The following PSD3 variants were observed in gnomAD, a reference collection of about 807,000 sequenced individuals.
PSD3 encodes the protein pleckstrin and Sec7 domain containing 3, also known as PH and SEC7 domain-containing protein 3.
A neutral mutation model predicts 105.5 loss-of-function variants in PSD3; 49 were observed. That is an observed-to-expected ratio of 0.46 (90% CI 0.37 to 0.59). The LOEUF is 0.59. PSD3 is among the 20% of genes least tolerant of loss of function. The pLI is 0.00. For missense variants in PSD3, 1,561 were observed against 1,263.8 expected, an observed-to-expected ratio of 1.24 and a Z score of -3.57; for synonymous variants, 557 against 457.8, an observed-to-expected ratio of 1.22 and a Z score of -2.77.
At chr8:19,078,397 A>G (rs905824026) in intron 1 of PSD3, among the ~76,000 whole-genome samples, 3 of 152,148 alleles carry the variant, frequency 2.0e-5, no homozygotes, top group African/African-American at 7.2e-5. Context: ...TTCTATATTA[A>G]TTATACAGTA....
At chr8:18,711,884 A>T (rs1179498611) in intron 9 of PSD3, among the ~76,000 whole-genome samples, 1 of 152,204 alleles carries the variant, frequency 6.6e-6, no homozygotes, top group Non-Finnish European at 1.5e-5. Context: ...TTGGAAGTAA[A>T]ACACTCCTCA....
chr8:18,657,825 T>C (rs1437903842), intron 9 of PSD3, among the ~76,000 whole-genome samples: 1 of 152,230 alleles, frequency 6.6e-6, no homozygotes, highest in Non-Finnish European at 1.5e-5. Context: ...GCTACTATCA[T>C]ACTCAATATT....
chr8:19,057,998 C>A (rs1586676836), intron 1 of PSD3, among the ~76,000 whole-genome samples: 1 of 152,290 alleles, frequency 6.6e-6, no homozygotes, highest in Middle Eastern at 3.4e-3. Context: ...CCACTTACAG[C>A]CCCTCTATTC....
intron 4 of PSD3, among the ~76,000 whole-genome samples, chr8:18,832,842 T>A (rs565705895): frequency 2.7e-4 from 41 of 152,260 alleles, no homozygotes; most frequent in African/African-American, 9.9e-4. Flanking sequence ...ACCTATTCAT[T>A]ATCACTAGAA....
chr8:19,049,853 A>T (rs2129477099), intron 1 of PSD3, among the ~76,000 whole-genome samples: 2 of 152,280 alleles, frequency 1.3e-5, no homozygotes, highest in East Asian at 3.9e-4. Context: ...CTGAAGCCAG[A>T]TTCCCTGACT....
chr8:18,902,143 C>T (rs994252167), intron 2 of PSD3, among the ~76,000 whole-genome samples: 3 of 152,122 alleles, frequency 2.0e-5, no homozygotes, highest in African/African-American at 4.8e-5. Context: ...AATATGCTTT[C>T]TATGCTTTTT....
intron 1 of PSD3, among the ~76,000 whole-genome samples, chr8:19,081,281 T>C (rs1829638236): frequency 6.6e-6 from 1 of 152,244 alleles, no homozygotes; most frequent in East Asian, 1.9e-4. Flanking sequence ...GTTAGGTCAC[T>C]AGACCTAAAG....
chr8:18,707,381 G>A (rs1394939286), intron 9 of PSD3, among the ~76,000 whole-genome samples: 2 of 152,184 alleles, frequency 1.3e-5, no homozygotes, highest in Non-Finnish European at 2.9e-5. Flanking sequence ...CTCAAGAAGT[G>A]TTCATGAAAT....
In PSD3 at chr8:18,968,382, C is replaced by T. The variant is rs575569500; in HGVS notation, c.22-32240G>A. 2.0e-5 allele frequency among the ~76,000 whole-genome samples: 3 copies of T among 152,270 alleles called. No homozygotes were observed. The South Asian group carries it at 6.2e-4, about 32-fold the overall frequency. ...AATGTGTATATCTAAATCAATTGTC[C>T]TCGTTCAAATGGTCACCTTAGAAAA... On this transcript the variant is annotated intron_variant, in intron 1 of 15. Coordinates refer to ENST00000327040, the MANE Select transcript of PSD3 (RefSeq NM_015310.4).
intron 1 of PSD3, among the ~76,000 whole-genome samples, chr8:19,071,962 G>A (rs1469684502): frequency 1.3e-5 from 2 of 152,028 alleles, no homozygotes; most frequent in African/African-American, 4.8e-5. Context: ...CACTCGCCTC[G>A]GCCTCCCAAA....
intron 15 of PSD3, among the ~76,000 whole-genome samples, chr8:18,548,011 T>TC (rs752973715): frequency 5.3e-5 from 8 of 152,176 alleles, no homozygotes; most frequent in Non-Finnish European, 8.8e-5. Context: ...TTTCCTTTTT[T>TC]CCCCCATCTG....
chr8:19,068,885 T>A lies in PSD3; in HGVS notation c.324+15321A>T, dbSNP rs180757007. 9.9e-4 allele frequency among the ~76,000 whole-genome samples: 151 copies of A among 152,152 alleles called. 2 individuals are homozygous for A. The East Asian group carries it at 0.014, about 14-fold the overall frequency. ...ATGGAGTTGCTCTTTTTTGCCCACATCTGCTTCCTTTCAAGGGGTGGCCTG... is the reference window on the plus strand; with the variant it reads ...ATGGAGTTGCTCTTTTTTGCCCACAACTGCTTCCTTTCAAGGGGTGGCCTG... On this transcript the variant is annotated intron_variant, in intron 1 of 1. Coordinates refer to the PSD3 transcript ENST00000521475.
intron 15 of PSD3, among the ~76,000 whole-genome samples, chr8:18,546,371 T>C (rs1800451287): frequency 6.6e-6 from 1 of 152,180 alleles, no homozygotes; most frequent in Admixed American, 6.5e-5. Context: ...AGTAGTCATC[T>C]TACCAGTCCA....
intron 1 of PSD3, among the ~76,000 whole-genome samples, chr8:18,951,940 G>A (rs1276444158): frequency 6.6e-6 from 1 of 152,058 alleles, no homozygotes; most frequent in Non-Finnish European, 1.5e-5. Context: ...GTGCACCCCA[G>A]CCTGGGCAAC....
intron 1 of PSD3, among the ~76,000 whole-genome samples, chr8:19,051,536 G>C (rs1334290126): frequency 6.6e-6 from 1 of 152,178 alleles, no homozygotes; most frequent in Non-Finnish European, 1.5e-5. Flanking sequence ...TAATGAGTGT[G>C]TTTGCATGAA....
At chr8:19,006,161 C>CA (rs1431248525) in intron 1 of PSD3, among the ~76,000 whole-genome samples, 1 of 151,498 alleles carries the variant, frequency 6.6e-6, no homozygotes, top group Non-Finnish European at 1.5e-5. Context: ...GGTGTGGTGG[C>CA]ACGTGCCTGT....
At chr8:18,890,430 G>A (rs1245763835) in intron 2 of PSD3, among the ~76,000 whole-genome samples, 1 of 152,170 alleles carries the variant, frequency 6.6e-6, no homozygotes, top group African/African-American at 2.4e-5. Flanking sequence ...AAGATATTAT[G>A]TGAAATAAAT....
chr8:18,691,270 A>C (rs538601856), intron 9 of PSD3, among the ~76,000 whole-genome samples: 118 of 152,242 alleles, frequency 7.8e-4, no homozygotes, highest in Non-Finnish European at 1.5e-3. Context: ...CTCATGAACA[A>C]GACCAGTCAT....
At chr8:18,918,345 T>G (rs554825184) in intron 2 of PSD3, among the ~76,000 whole-genome samples, 25 of 152,284 alleles carry the variant, frequency 1.6e-4, no homozygotes, top group African/African-American at 6.0e-4. Flanking sequence ...CCAAGAAGCC[T>G]TCTCTCCATC....
Sources: gnomAD v4.1 joint callset for allele counts (sites outside exome capture counted in the v4.1 genomes callset) on GRCh38, gnomAD v4.1.1 for gene constraint, MANE v1.5 for transcripts, NCBI Gene and HGNC (gene_info 2026-07-23, HGNC 2026-07-21) for gene names.